Variants in SYN3 observed in about 807,000 individuals in gnomAD.
The protein encoded by SYN3 is synapsin III.
Under a neutral mutation model 65.8 loss-of-function variants are expected in SYN3, and 35 were observed. The observed-to-expected ratio is 0.53, with a 90% CI of 0.41 to 0.70. SYN3 has a LOEUF of 0.70. Among genes scored for constraint, SYN3 ranks in the 30% least tolerant of loss-of-function variants. The pLI, the probability that SYN3 is intolerant of heterozygous loss-of-function variation, is 0.00. For synonymous variants in SYN3, 270 were observed against 292.9 expected (o/e 0.92, Z 0.80); for missense variants, 680 against 749.0 (o/e 0.91, Z 1.08).
intron 6 of SYN3, among the ~76,000 whole-genome samples, chr22:32,608,428 G>T (rs182786697): frequency 1.6e-4 from 25 of 152,338 alleles, no homozygotes; most frequent in Non-Finnish European, 2.9e-5. Flanking sequence ...TCAGAAAATA[G>T]TTGAATAACA....
intron 2 of SYN3, among the ~76,000 whole-genome samples, chr22:32,992,003 C>T (rs1046824439): frequency 3.9e-5 from 6 of 152,344 alleles, no homozygotes; most frequent in African/African-American, 1.4e-4. Flanking sequence ...CAGAAATCTA[C>T]TCCACCCCAG....
At chr22:32,927,889 T>C (rs1276783740) in intron 4 of SYN3, among the ~76,000 whole-genome samples, 2 of 152,232 alleles carry the variant, frequency 1.3e-5, no homozygotes, top group Non-Finnish European at 2.9e-5. Context: ...GGCAATTAAT[T>C]TCTCTCAGCA....
chr22:32,701,559 T>C (rs1029184103), intron 6 of SYN3, among the ~76,000 whole-genome samples: 2 of 152,124 alleles, frequency 1.3e-5, no homozygotes, highest in Non-Finnish European at 2.9e-5. Flanking sequence ...AAGAAAAACA[T>C]GAAGCTGATG....
chr22:32,993,898 A>G (rs1353416860), intron 2 of SYN3, among the ~76,000 whole-genome samples: 1 of 152,130 alleles, frequency 6.6e-6, no homozygotes, highest in African/African-American at 2.4e-5. Context: ...AACAGCACCC[A>G]TCAGATTTCT....
chr22:32,864,863 T>C (rs1282238904), intron 6 of SYN3, 52 bp downstream of exon 6: 5 of 1,513,866 alleles, frequency 3.3e-6, no homozygotes, highest in South Asian at 2.2e-5. Flanking sequence ...GGACAAGTCA[T>C]CTGTATTCAT....
rs770170727 is a variant in SYN3, at chr22:33,006,616, T to G, written c.47A>C (p.Asn16Thr). 1 of 1,606,672 alleles carries G rather than the reference T, an allele frequency of 6.2e-7. No homozygotes were observed. The highest frequency in any genetic ancestry group is 8.5e-7 in the Non-Finnish European group (1 of 1,175,932). Reference protein sequence around the residue: ...RRLSDSSFMANLPNGYMTDLQ... With the variant: ...RRLSDSSFMATLPNGYMTDLQ... The stretch of plus-strand genomic sequence containing the variant: ...GTCCGTCATATAGCCATTAGGCAGG[T>G]TGGCCATGAAGCTGCTGTCAGAGAG... The change falls in exon 2 of 14, where the codon AAC becomes ACC. Residue 16 changes from asparagine (N) to threonine (T), a missense_variant. Transcript: ENST00000358763.
chr22:32,554,421 T>C (rs2058461576), intron 7 of SYN3, among the ~76,000 whole-genome samples: 2 of 152,206 alleles, frequency 1.3e-5, no homozygotes, highest in Admixed American at 6.5e-5. Context: ...ATTACTTGTC[T>C]GTTAATATAT....
In SYN3 at chr22:33,055,525, T is replaced by C. The variant is rs2054240513; in HGVS notation, c.-163+2767A>G. On this transcript the variant is annotated intron_variant, in intron 1 of 13. Coordinates refer to ENST00000358763, the MANE Select transcript of SYN3 (RefSeq NM_003490.4). ...ATCCACCCTTCATTCATTTCACTCATTTAAGAAATATGTGCTAAACCCTGT... is the reference window on the plus strand; with the variant it reads ...ATCCACCCTTCATTCATTTCACTCACTTAAGAAATATGTGCTAAACCCTGT... 2.6e-5 allele frequency among the ~76,000 whole-genome samples: 4 copies of C among 152,224 alleles called. No homozygotes were observed. The South Asian group carries it at 8.3e-4, about 31-fold the overall frequency.
intron 6 of SYN3, among the ~76,000 whole-genome samples, chr22:32,748,451 A>G (rs1159168106): frequency 6.6e-6 from 1 of 152,206 alleles, no homozygotes; most frequent in Non-Finnish European, 1.5e-5. Context: ...CAAAACCAAG[A>G]AAGGGTGTCG....
chr22:32,884,795 T>G (rs1433471579), intron 4 of SYN3, among the ~76,000 whole-genome samples: 1 of 152,118 alleles, frequency 6.6e-6, no homozygotes, highest in African/African-American at 2.4e-5. Context: ...GAGAATAGCT[T>G]GAACCAGGGA....
chr22:32,565,971 C>T (rs1036295537), intron 7 of SYN3, among the ~76,000 whole-genome samples: 2 of 152,028 alleles, frequency 1.3e-5, no homozygotes, highest in Non-Finnish European at 2.9e-5. Context: ...CTCGGCCTCC[C>T]AAAGTGCTAG....
At chr22:32,787,231 A>G (rs1317383458) in intron 6 of SYN3, among the ~76,000 whole-genome samples, 1 of 151,988 alleles carries the variant, frequency 6.6e-6, no homozygotes. Flanking sequence ...TATTTTTAGT[A>G]GAGATAGGAT....
At chr22:33,044,625 C>T (rs980790239) in intron 1 of SYN3, among the ~76,000 whole-genome samples, 1 of 151,822 alleles carries the variant, frequency 6.6e-6, no homozygotes, top group Non-Finnish European at 1.5e-5. Flanking sequence ...GTCATTTCTC[C>T]AACTTTCTCC....
chr22:33,004,904 T>A (rs1166899209), intron 2 of SYN3, among the ~76,000 whole-genome samples: 1 of 152,162 alleles, frequency 6.6e-6, no homozygotes, highest in Non-Finnish European at 1.5e-5. Flanking sequence ...GTTCCCATAA[T>A]CCTCATGTGT....
intron 6 of SYN3, among the ~76,000 whole-genome samples, chr22:32,828,272 G>T (rs1170704748): frequency 6.6e-6 from 1 of 152,172 alleles, no homozygotes; most frequent in Non-Finnish European, 1.5e-5. Flanking sequence ...CCTTCAAGTG[G>T]GGGAAACTCA....
At chr22:32,922,823 C>G (rs1282238122) in intron 4 of SYN3, among the ~76,000 whole-genome samples, 2 of 152,140 alleles carry the variant, frequency 1.3e-5, no homozygotes, top group Non-Finnish European at 2.9e-5. Flanking sequence ...ACCACACAGA[C>G]TGCAAGTTGG....
chr22:32,602,195 T>A (rs2059294421), intron 6 of SYN3, among the ~76,000 whole-genome samples: 2 of 152,168 alleles, frequency 1.3e-5, no homozygotes, highest in African/African-American at 2.4e-5. Context: ...TTGCTACAGA[T>A]GTTTTTATTT....
chr22:32,585,359 A>G (rs1270684560), intron 7 of SYN3, among the ~76,000 whole-genome samples: 4 of 152,220 alleles, frequency 2.6e-5, no homozygotes, highest in Non-Finnish European at 5.9e-5. Context: ...GTCTAAGCCC[A>G]AAGCCCATAC....
chr22:32,978,680 T>C (rs554814033), intron 3 of SYN3, among the ~76,000 whole-genome samples: 5 of 152,296 alleles, frequency 3.3e-5, no homozygotes, highest in Admixed American at 2.6e-4. Flanking sequence ...ATCCCTGGCT[T>C]CTACCTGTAA....
Sources: gnomAD v4.1 joint callset for allele counts (sites outside exome capture counted in the v4.1 genomes callset) on GRCh38, gnomAD v4.1.1 for gene constraint, MANE v1.5 for transcripts, NCBI Gene and HGNC (gene_info 2026-07-23, HGNC 2026-07-21) for gene names.